Variants in AKAP13 observed in about 807,000 individuals in gnomAD.
AKAP13 encodes the protein A-kinase anchoring protein 13.
In AKAP13, 80 loss-of-function variants were observed where a neutral mutation model predicts 264.5. That is an observed-to-expected ratio of 0.30 (90% CI 0.25 to 0.36). AKAP13 has a LOEUF of 0.36. Among genes scored for constraint, AKAP13 ranks in the 10% least tolerant of loss-of-function variants. The probability of loss-of-function intolerance (pLI) is 1.00; values close to 1 mark genes in which losing one functional copy is unlikely to be tolerated. For missense variants in AKAP13, 3,712 were observed against 3,435.2 expected, an observed-to-expected ratio of 1.08 and a Z score of -2.01; for synonymous variants, 1,380 against 1,250.2, an observed-to-expected ratio of 1.10 and a Z score of -2.19.
chr15:85,654,428 A>G lies in AKAP13; in HGVS notation c.4375-989A>G, dbSNP rs556246616. 3.3e-5 allele frequency among the ~76,000 whole-genome samples: 5 copies of G among 152,320 alleles called. No individual in the cohort carries two copies. The East Asian group carries it at 7.7e-4, about 23-fold the overall frequency. On this transcript the variant is annotated intron_variant, in intron 10 of 36. Transcript: ENST00000394518. ...AATAATTAAACCTAACACATGATAA[A>G]TTTTGTTTTCATATACAAAAAACCC...
At chr15:85,442,545 T>TTATATATA (rs2073744598) in intron 1 of AKAP13, among the ~76,000 whole-genome samples, 1 of 132,134 alleles carries the variant, frequency 7.6e-6, no homozygotes, top group African/African-American at 2.9e-5. Flanking sequence ...ATATATTATA[T>TTATATATA]ATATATTTAT....
At chr15:85,716,395 A>G (rs184943943) in intron 20 of AKAP13, among the ~76,000 whole-genome samples, 9 of 152,186 alleles carry the variant, frequency 5.9e-5, no homozygotes, top group South Asian at 2.1e-4. Context: ...TGCTGAGCCA[A>G]TTATTACTAT....
chr15:85,577,523 C>T (rs1316406869), intron 6 of AKAP13, among the ~76,000 whole-genome samples: 1 of 152,074 alleles, frequency 6.6e-6, no homozygotes, highest in Admixed American at 6.6e-5. Context: ...TAATTTTTTT[C>T]TAATTGCAAT....
intron 2 of AKAP13, among the ~76,000 whole-genome samples, chr15:85,504,694 C>CA (rs60149423): frequency 0.14 from 14,751 of 105,176 alleles, 1,254 homozygotes; most frequent in Non-Finnish European, 0.19. Context: ...ACCCTGTCTC[C>CA]AAAAAAAAAA....
At position 85,488,595 on chromosome 15, in the gene AKAP13, C is replaced by T. The variant is rs77485406; in HGVS notation, c.33+2842C>T. Among the ~76,000 whole-genome samples, 429 of 152,256 alleles carry T rather than the reference C, an allele frequency of 2.8e-3. 4 individuals are homozygous for T. The highest frequency in any genetic ancestry group is 9.9e-3 in the African/African-American group (412 of 41,550). On this transcript the variant is annotated intron_variant, in intron 2 of 36. Transcript: ENST00000394518. ...AAGATGGGAGCTTATTCTGAAATAT[C>T]TGAGCTTCCCGTTGTAATTACAGGA...
At chr15:85,717,498 C>CCT (rs2151716447) in intron 21 of AKAP13, 96 bp downstream of exon 21, 1 of 830,452 alleles carries the variant, frequency 1.2e-6, no homozygotes, top group East Asian at 2.8e-5. Context: ...ACAGTACCTG[C>CCT]CTCTTCTGTA....
chr15:85,669,958 G>T (rs2083822791), intron 14 of AKAP13, 128 bp downstream of exon 14: 3 of 519,160 alleles, frequency 5.8e-6, no homozygotes, highest in East Asian at 6.5e-5. Context: ...TGAGTGAATG[G>T]CTCAGCACTT....
At chr15:85,481,228 A>C (rs1338682183) in intron 1 of AKAP13, among the ~76,000 whole-genome samples, 1 of 152,030 alleles carries the variant, frequency 6.6e-6, no homozygotes, top group African/African-American at 2.4e-5. Context: ...AATTTCAAAA[A>C]TCTCCAAACT....
rs1184228366 is a variant in AKAP13 at position 85,412,213 on chromosome 15, T to C, written c.-12+31415T>C. On this transcript the variant is annotated intron_variant, in intron 1 of 36. Coordinates refer to ENST00000394518, the MANE Select transcript of AKAP13 (RefSeq NM_007200.5). ...CATTGATACAGTTTCAGATTTCACA[T>C]TGTGACTAACTCTTTAAGAAGCTAC... Among the ~76,000 whole-genome samples the C allele has an allele frequency of 2.0e-5, 3 of 152,232 alleles. No individual in the cohort carries two copies. In the East Asian group the frequency reaches 5.8e-4, roughly 29 times the overall value.
intron 5 of AKAP13, among the ~76,000 whole-genome samples, chr15:85,558,976 C>G (rs2078251388): frequency 6.6e-6 from 1 of 152,014 alleles, no homozygotes; most frequent in Non-Finnish European, 1.5e-5. Context: ...GTCCCCTCCC[C>G]CTCATTTCTT....
chr15:85,635,188 G>A, intron 8 of AKAP13: 1 of 397,832 alleles, frequency 2.5e-6, no homozygotes. Flanking sequence ...TTCAGCAACA[G>A]TACTGTGTTC....
At chr15:85,424,062 A>G (rs2072651143) in intron 1 of AKAP13, among the ~76,000 whole-genome samples, 1 of 152,220 alleles carries the variant, frequency 6.6e-6, no homozygotes, top group East Asian at 1.9e-4. Flanking sequence ...GAGTAGACTT[A>G]GCATAATTCT....
rs763986654 is a variant in AKAP13 at position 85,718,273 on chromosome 15, G to T, written c.6001+114G>T. 2.3e-6 allele frequency: 3 copies of T among 1,306,718 alleles called. No individual in the cohort carries two copies. The highest frequency in any genetic ancestry group is 3.2e-6 in the Non-Finnish European group (3 of 950,864). 80.9% of individuals were successfully genotyped at this position (1,306,718 alleles called of 1,614,324 possible). On this transcript the variant is annotated intron_variant, in intron 22 of 36. Transcript: ENST00000394518. The surrounding 1 kb of genome is among the most constrained non-coding windows in gnomAD (Gnocchi z 4.9). ...TTTTTAGTATGTGGCTTCTTGAAAA[G>T]ATTTCCTTTAAAAACTTTAAGGTAC... is the stretch of plus-strand genomic sequence containing the variant.
chr15:85,525,576 CAT>C (rs968276116), intron 3 of AKAP13, among the ~76,000 whole-genome samples: 9 of 152,280 alleles, frequency 5.9e-5, no homozygotes, highest in African/African-American at 2.4e-5. Flanking sequence ...TGCCTTGAAA[CAT>C]AGCTTGAGAT....
rs1312893718 is a variant in AKAP13, at chr15:85,715,920, C to G, written c.5732C>G (p.Thr1911Ser). The G allele has an allele frequency of 1.2e-6, 2 of 1,611,376 alleles. No individual in the cohort carries two copies. The highest frequency in any genetic ancestry group is 1.7e-5 in the Admixed American group (1 of 59,282). Residue 1911 changes from threonine to serine, a missense_variant, in exon 20 of 37, where the codon ACT becomes AGT. Physicochemically the swap from Thr to Ser is moderately conservative, Grantham distance 58 (BLOSUM62 1). Coordinates refer to ENST00000394518, the MANE Select transcript of AKAP13 (RefSeq NM_007200.5). ...AAAAGTGTCTCCATACAGAACATTA[C>G]TGGGTAAGTGGAGATATTTAAAGAT... ...LSKSVSIQNI[T>S]GVGNDENMSN...
chr15:85,415,613 G>T, intron 1 of AKAP13: 1 of 1,434,128 alleles, frequency 7.0e-7, no homozygotes, highest in Non-Finnish European at 9.7e-7. Context: ...CCTGTACTCG[G>T]ATCTATGAAA....
Position 85,423,131 on chromosome 15 carries a change from T to G in AKAP13, c.-12+42333T>G, listed in dbSNP as rs141883475. Among the ~76,000 whole-genome samples the G allele has an allele frequency of 1.5e-4, 23 of 152,330 alleles. No individual in the cohort carries two copies. The East Asian group carries it at 4.2e-3, about 28-fold the overall frequency. ...TTTTTGCTGGATGGTCTTGCCTTGA[T>G]GTGGATGGCTGCTAACTGATCAGGT... is the stretch of plus-strand genomic sequence containing the variant. On this transcript the variant is annotated intron_variant, in intron 1 of 36. Transcript: ENST00000394518.
At chr15:85,463,086 A>G (rs2074586544) in intron 1 of AKAP13, among the ~76,000 whole-genome samples, 1 of 151,714 alleles carries the variant, frequency 6.6e-6, no homozygotes, top group Non-Finnish European at 1.5e-5. Context: ...CAAAACAGAG[A>G]TGACAGAAAA....
At chr15:85,431,716 A>G (rs1012780024) in intron 1 of AKAP13, among the ~76,000 whole-genome samples, 3 of 152,154 alleles carry the variant, frequency 2.0e-5, no homozygotes, top group Non-Finnish European at 4.4e-5. Flanking sequence ...TAAAAATCCT[A>G]AATTCTGAAA....
Sources: gnomAD v4.1 joint callset for allele counts (sites outside exome capture counted in the v4.1 genomes callset) on GRCh38, gnomAD v4.1.1 for gene constraint, Gnocchi (gnomAD v3.1) non-coding constraint, MANE v1.5 for transcripts, NCBI Gene and HGNC (gene_info 2026-07-23, HGNC 2026-07-21) for gene names.